Variants in GPC6 observed in about 807,000 individuals in gnomAD.
The protein encoded by GPC6 is glypican-6.
Under a neutral mutation model 55.2 loss-of-function variants are expected in GPC6, and 14 were observed. That is an observed-to-expected ratio of 0.25 (90% CI 0.17 to 0.40). The LOEUF is 0.40. Among genes scored for constraint, GPC6 ranks in the 10% least tolerant of loss-of-function variants. The pLI, the probability that GPC6 is intolerant of heterozygous loss-of-function variation, is 1.00. For missense variants in GPC6, 641 were observed against 708.5 expected (o/e 0.90, Z 1.08); for synonymous variants, 278 against 259.6 (o/e 1.07, Z -0.68).
chr13:93,454,740 C>T (rs1197417887), intron 1 of GPC6, among the ~76,000 whole-genome samples: 7 of 152,262 alleles, frequency 4.6e-5, no homozygotes, highest in Admixed American at 3.3e-4. Context: ...GGATCCCGCA[C>T]CCGGGCTGCA....
intron 4 of GPC6, among the ~76,000 whole-genome samples, chr13:94,088,411 G>C (rs936139214): frequency 3.9e-5 from 6 of 151,984 alleles, no homozygotes; most frequent in Non-Finnish European, 7.4e-5. Context: ...GTGGAGCCAG[G>C]CATGGTGGCT....
the GPC6 span, among the ~76,000 whole-genome samples, chr13:93,219,159 T>A: frequency 2.0e-5 from 3 of 151,650 alleles, no homozygotes; most frequent in African/African-American, 7.3e-5. Context: ...AGTGGTATGA[T>A]CTCAGCTCAC....
At chr13:94,389,395 A>T (rs1412333149) in intron 7 of GPC6, among the ~76,000 whole-genome samples, 1 of 152,202 alleles carries the variant, frequency 6.6e-6, no homozygotes, top group Non-Finnish European at 1.5e-5. Flanking sequence ...GAGGCAGGAA[A>T]GCATAGGCTT....
At chr13:93,642,139 C>T (rs1879976182) in intron 2 of GPC6, among the ~76,000 whole-genome samples, 3 of 152,014 alleles carry the variant, frequency 2.0e-5, no homozygotes, top group African/African-American at 7.2e-5. Flanking sequence ...GTGTTTAGCT[C>T]TTGCCTCCCT....
chr13:94,163,923 A>G (rs1594008650), intron 4 of GPC6, among the ~76,000 whole-genome samples: 1 of 152,202 alleles, frequency 6.6e-6, no homozygotes, highest in African/African-American at 2.4e-5. Context: ...AATGAGAATA[A>G]ATATGCAGTG....
chr13:93,521,022 T>A (rs1881399760), intron 1 of GPC6, among the ~76,000 whole-genome samples: 1 of 152,014 alleles, frequency 6.6e-6, no homozygotes. Flanking sequence ...AGTAATCTAA[T>A]TGTGATTATC....
intron 2 of GPC6, among the ~76,000 whole-genome samples, chr13:93,559,413 T>C (rs954607323): frequency 1.9e-4 from 29 of 152,230 alleles, no homozygotes; most frequent in African/African-American, 6.0e-4. Context: ...CTACTATGTA[T>C]ATTCTAACCA....
chr13:93,896,114 C>A (rs1049198196), intron 3 of GPC6, among the ~76,000 whole-genome samples: 1 of 152,020 alleles, frequency 6.6e-6, no homozygotes, highest in Non-Finnish European at 1.5e-5. Flanking sequence ...CTGATGTGAT[C>A]ATTACACATT....
chr13:93,636,847 G>T (rs1453435589), intron 2 of GPC6, among the ~76,000 whole-genome samples: 1 of 151,820 alleles, frequency 6.6e-6, no homozygotes, highest in Non-Finnish European at 1.5e-5. Flanking sequence ...TGACTAAAAT[G>T]CATATTTGTA....
At chr13:93,641,584 G>A (rs1484422177) in intron 2 of GPC6, among the ~76,000 whole-genome samples, 1 of 152,056 alleles carries the variant, frequency 6.6e-6, no homozygotes, top group African/African-American at 2.4e-5. Flanking sequence ...CTCAAAGTAG[G>A]AAGCTGTAAT....
intron 4 of GPC6, among the ~76,000 whole-genome samples, chr13:94,060,585 T>C (rs892164119): frequency 3.9e-5 from 6 of 152,202 alleles, no homozygotes; most frequent in Non-Finnish European, 8.8e-5. Context: ...TGTACTTTAG[T>C]AGTAGTTAGT....
intron 6 of GPC6, among the ~76,000 whole-genome samples, chr13:94,345,657 G>A (rs1878250753): frequency 1.3e-5 from 2 of 152,206 alleles, no homozygotes; most frequent in African/African-American, 4.8e-5. Context: ...GAATCAAGAG[G>A]TACAGTGTAG....
At chr13:94,369,131 T>C (rs986761227) in intron 6 of GPC6, among the ~76,000 whole-genome samples, 1 of 152,224 alleles carries the variant, frequency 6.6e-6, no homozygotes, top group Non-Finnish European at 1.5e-5. Flanking sequence ...TTCATCATAT[T>C]TTTCTAAAGA....
At chr13:94,062,364 C>T (rs1333967900) in intron 4 of GPC6, among the ~76,000 whole-genome samples, 1 of 152,128 alleles carries the variant, frequency 6.6e-6, no homozygotes, top group East Asian at 1.9e-4. Flanking sequence ...AATTCTCCCG[C>T]CTCAGCCTCT....
chr13:94,245,718 G>T (rs908227906), intron 4 of GPC6, among the ~76,000 whole-genome samples: 2 of 152,028 alleles, frequency 1.3e-5, no homozygotes, highest in African/African-American at 4.8e-5. Flanking sequence ...TAATATTTGT[G>T]TGTATGTGTG....
intron 2 of GPC6, among the ~76,000 whole-genome samples, chr13:93,771,580 TTCC>T (rs1430838736): frequency 6.6e-6 from 1 of 152,164 alleles, no homozygotes; most frequent in Non-Finnish European, 1.5e-5. Context: ...TTTTGTTTGT[TTCC>T]TCATTTGCCA....
At chr13:93,696,614 ATTTTTTTT>A (rs144339785) in intron 2 of GPC6, among the ~76,000 whole-genome samples, 1 of 136,656 alleles carries the variant, frequency 7.3e-6, no homozygotes, top group Non-Finnish European at 1.6e-5. Flanking sequence ...ACCTCCATAA[ATTTTTTTT>A]TTTTTTTTTT....
Position 93,830,552 on chromosome 13 carries a change from G to T in GPC6, c.711+7G>T. The stretch of plus-strand genomic sequence containing the variant: ...TGCAAACCGAGTTTCCAAGGTAATT[G>T]AAAACGTGCTTTCTTTCTCATTGGT... On this transcript the variant is annotated splice_region_variant and intron_variant, in intron 3 of 8. Transcript: ENST00000377047. 6.9e-7 allele frequency: 1 copy of T among 1,442,262 alleles called. No individual in the cohort carries two copies. Among genetic ancestry groups the T allele is most frequent in the African/African-American group, 1.5e-5 (1 of 64,674 alleles). The allele number at this position is 1,442,262 out of a possible 1,614,324, so 89.3% of individuals were successfully genotyped here.
chr13:93,856,874 G>A (rs550570248), intron 3 of GPC6, among the ~76,000 whole-genome samples: 8 of 151,680 alleles, frequency 5.3e-5, no homozygotes, highest in Admixed American at 2.0e-4. Context: ...TTAAGAGAAC[G>A]TGGTTAAATA....
Sources: gnomAD v4.1 joint callset for allele counts (sites outside exome capture counted in the v4.1 genomes callset) on GRCh38, gnomAD v4.1.1 for gene constraint, MANE v1.5 for transcripts, NCBI Gene and HGNC (gene_info 2026-07-23, HGNC 2026-07-21) for gene names.